The following CSMD3 variants were observed in gnomAD, a reference collection of about 807,000 sequenced individuals.
The protein encoded by CSMD3 is CUB and sushi domain-containing protein 3.
In CSMD3, 177 loss-of-function variants were observed where a neutral mutation model predicts 435.2. The observed-to-expected ratio is 0.41, with a 90% CI of 0.36 to 0.46. The LOEUF is 0.46. Among genes scored for constraint, CSMD3 ranks in the 20% least tolerant of loss-of-function variants. The pLI, the probability that CSMD3 is intolerant of heterozygous loss-of-function variation, is 0.34. For synonymous variants in CSMD3, 1,656 were observed against 1,520.5 expected (o/e 1.09, Z -2.07); for missense variants, 4,265 against 4,504.6 (o/e 0.95, Z 1.52).
chr8:113,248,458 G>A (rs961216361), intron 3 of CSMD3, among the ~76,000 whole-genome samples: 8 of 300 alleles, frequency 0.027, no homozygotes, highest in South Asian at 0.2. Flanking sequence ...GGAAATATAT[G>A]TGTGTGTGTG....
intron 10 of CSMD3, among the ~76,000 whole-genome samples, chr8:112,874,021 T>C (rs2081208913): frequency 6.6e-6 from 1 of 152,174 alleles, no homozygotes; most frequent in Admixed American, 6.5e-5. Context: ...TTTTAGATCT[T>C]TCCTGCTTTG....
At chr8:112,798,797 C>T (rs1447386705) in intron 13 of CSMD3, among the ~76,000 whole-genome samples, 4 of 151,826 alleles carry the variant, frequency 2.6e-5, no homozygotes, top group South Asian at 4.2e-4. Context: ...AGGTAACCTT[C>T]GTAAGATGGA....
chr8:112,959,091 A>G (rs2084136874), intron 7 of CSMD3, among the ~76,000 whole-genome samples: 1 of 152,090 alleles, frequency 6.6e-6, no homozygotes, highest in Non-Finnish European at 1.5e-5. Flanking sequence ...GAAATATATT[A>G]TTCTATTTCA....
rs116345140 is a variant in CSMD3, at chr8:112,826,924, T to A, written c.1859+2762A>T. ...CATTCTATGTTACTTATACAATGAT[T>A]TTCTGTCCAAAAAGGATATCAATTG... On this transcript the variant is annotated intron_variant, in intron 12 of 70. Coordinates refer to ENST00000297405, the MANE Select transcript of CSMD3 (RefSeq NM_198123.2). Among the ~76,000 whole-genome samples, 355 of 151,954 alleles carry A rather than the reference T, an allele frequency of 2.3e-3. 1 individual carries two copies. Among genetic ancestry groups the A allele is most frequent in the African/African-American group, 8.2e-3 (339 of 41,480 alleles).
intron 38 of CSMD3, among the ~76,000 whole-genome samples, chr8:112,362,645 TAA>T (rs2131127819): frequency 6.6e-6 from 1 of 151,944 alleles, no homozygotes; most frequent in Non-Finnish European, 1.5e-5. Flanking sequence ...AACCATGCTC[TAA>T]AGAGACTCTT....
chr8:112,923,590 T>A (rs2082814156), intron 9 of CSMD3, among the ~76,000 whole-genome samples: 1 of 152,110 alleles, frequency 6.6e-6, no homozygotes, highest in Admixed American at 6.6e-5. Flanking sequence ...ATTTTATCCA[T>A]AAGGCCCTCC....
intron 1 of CSMD3, among the ~76,000 whole-genome samples, chr8:113,427,959 G>A (rs1437146941): frequency 6.6e-6 from 1 of 151,638 alleles, no homozygotes; most frequent in Non-Finnish European, 1.5e-5. Context: ...GCCTCCATTA[G>A]GAGCTAAGGG....
chr8:112,645,318 A>G (rs1462213697), intron 19 of CSMD3, 93 bp from the exon 20 acceptor site: 9 of 789,694 alleles, frequency 1.1e-5, no homozygotes, highest in Non-Finnish European at 2.1e-5. Flanking sequence ...GAGCAGTCGC[A>G]TTATCTTTGC....
intron 5 of CSMD3, among the ~76,000 whole-genome samples, chr8:113,095,292 G>C (rs2090129691): frequency 6.6e-6 from 1 of 151,912 alleles, no homozygotes; most frequent in Non-Finnish European, 1.5e-5. Flanking sequence ...TCCAAAAAAG[G>C]AGAAAAAAAC....
intron 68 of CSMD3, among the ~76,000 whole-genome samples, chr8:112,232,098 G>A (rs899868953): frequency 3.9e-5 from 6 of 152,102 alleles, no homozygotes; most frequent in African/African-American, 1.4e-4. Context: ...CAATAGTTAA[G>A]TTGCAAGCCT....
intron 49 of CSMD3, among the ~76,000 whole-genome samples, chr8:112,311,586 C>T (rs1229073741): frequency 3.3e-5 from 5 of 152,178 alleles, no homozygotes; most frequent in African/African-American, 1.2e-4. Context: ...CCAGACACCT[C>T]TACCATGTTA....
chr8:112,675,703 G>A (rs1019784448), intron 16 of CSMD3, among the ~76,000 whole-genome samples: 2 of 152,110 alleles, frequency 1.3e-5, no homozygotes, highest in African/African-American at 4.8e-5. Flanking sequence ...GGAAGGAAAT[G>A]ACAAGGTACT....
chr8:112,286,537 A>G (rs1424942565), intron 58 of CSMD3, among the ~76,000 whole-genome samples: 2 of 152,164 alleles, frequency 1.3e-5, no homozygotes, highest in Non-Finnish European at 2.9e-5. Context: ...AGTCAACAAG[A>G]TATTTTGAGT....
chr8:112,361,568 CATACATATATATATATATATAT>C (rs1257462059), intron 38 of CSMD3, among the ~76,000 whole-genome samples: 1 of 35,594 alleles, frequency 2.8e-5, no homozygotes, highest in Non-Finnish European at 5.2e-5. Flanking sequence ...TATATATACA[CATACATATATATATATATATAT>C]ATATATATAT....
chr8:113,390,215 T>C (rs2133148664), intron 1 of CSMD3, among the ~76,000 whole-genome samples: 1 of 151,936 alleles, frequency 6.6e-6, no homozygotes, highest in South Asian at 2.1e-4. Context: ...TTCCCTGGGC[T>C]TATTTATTTC....
intron 36 of CSMD3, among the ~76,000 whole-genome samples, chr8:112,389,844 A>T (rs1361386652): frequency 6.6e-6 from 1 of 152,204 alleles, no homozygotes; most frequent in Non-Finnish European, 1.5e-5. Context: ...AATATTATCA[A>T]TTCATCCAGA....
chr8:112,459,446 G>C (rs1178512820), intron 32 of CSMD3, among the ~76,000 whole-genome samples: 1 of 151,844 alleles, frequency 6.6e-6, no homozygotes, highest in East Asian at 1.9e-4. Flanking sequence ...AGTCAAAAGT[G>C]TTGCTAGGCT....
intron 3 of CSMD3, among the ~76,000 whole-genome samples, chr8:113,186,259 C>A (rs1338831276): frequency 6.6e-6 from 1 of 151,990 alleles, no homozygotes; most frequent in Non-Finnish European, 1.5e-5. Context: ...TTGCCCTCCT[C>A]CCTGACCATA....
chr8:112,696,604 C>G (rs1222018943), intron 13 of CSMD3, among the ~76,000 whole-genome samples: 2 of 152,240 alleles, frequency 1.3e-5, no homozygotes, highest in African/African-American at 4.8e-5. Flanking sequence ...AAATGTTAGA[C>G]CTAAAAACAT....
Sources: gnomAD v4.1 joint callset for allele counts (sites outside exome capture counted in the v4.1 genomes callset) on GRCh38, gnomAD v4.1.1 for gene constraint, MANE v1.5 for transcripts, NCBI Gene and HGNC (gene_info 2026-07-23, HGNC 2026-07-21) for gene names.